PPP4R1: variants seen among roughly 807,000 people sequenced by gnomAD.
PPP4R1 encodes serine/threonine-protein phosphatase 4 regulatory subunit 1.
A neutral mutation model predicts 111.2 loss-of-function variants in PPP4R1; 42 were observed. The observed-to-expected ratio is 0.38, with a 90% CI of 0.29 to 0.49. The LOEUF is 0.49. Ranked by LOEUF, PPP4R1 falls within the 20% of genes least tolerant of loss-of-function variation. The probability of loss-of-function intolerance (pLI) is 0.97; values close to 1 mark genes in which losing one functional copy is unlikely to be tolerated. For missense variants in PPP4R1, 1,012 were observed against 1,161.6 expected (o/e 0.87, Z 1.87); for synonymous variants, 409 against 405.5 (o/e 1.01, Z -0.10).
At chr18:9,616,252 C>CT (rs35547777), upstream of PPP4R1, among the ~76,000 whole-genome samples, 79,709 of 146,598 alleles carry the variant, frequency 0.54, 21,510 homozygotes, top group East Asian at 0.58. Context: ...CAAATCAGCT[C>CT]TTTTTTTTTT....
chr18:9,577,517 T>C (rs2066956239), intron 9 of PPP4R1, among the ~76,000 whole-genome samples: 1 of 152,066 alleles, frequency 6.6e-6, no homozygotes, highest in South Asian at 2.1e-4. Context: ...ATACCAAAGT[T>C]AGCAGGGCGT....
intron 9 of PPP4R1, among the ~76,000 whole-genome samples, chr18:9,579,644 T>C (rs1418479636): frequency 6.6e-6 from 1 of 152,130 alleles, no homozygotes; most frequent in East Asian, 1.9e-4. Context: ...CAACTACACA[T>C]TGAAAACATT....
At chr18:9,561,833 C>G in intron 13 of PPP4R1, 147 bp downstream of exon 13, 1 of 642,586 alleles carries the variant, frequency 1.6e-6, no homozygotes, top group African/African-American at 1.8e-5. Flanking sequence ...CCTCTCTCTA[C>G]TACTTCGATT....
chr18:9,585,945 TC>T (rs1221037651), intron 6 of PPP4R1, among the ~76,000 whole-genome samples: 1 of 152,102 alleles, frequency 6.6e-6, no homozygotes, highest in Non-Finnish European at 1.5e-5. Flanking sequence ...ATCTACAGAT[TC>T]AACACTATCC....
At chr18:9,592,055 G>A (rs1464132528) in intron 4 of PPP4R1, among the ~76,000 whole-genome samples, 2 of 152,174 alleles carry the variant, frequency 1.3e-5, no homozygotes, top group Non-Finnish European at 2.9e-5. Context: ...GGGCAACAGA[G>A]CGAGACTCTG....
chr18:9,568,755 G>A (rs971414287), intron 11 of PPP4R1, among the ~76,000 whole-genome samples: 11 of 152,288 alleles, frequency 7.2e-5, no homozygotes, highest in African/African-American at 2.6e-4. Flanking sequence ...AATAAAATAA[G>A]CTGAGCGCAG....
At chr18:9,572,746 T>A (rs2066881327) in intron 10 of PPP4R1, among the ~76,000 whole-genome samples, 1 of 152,200 alleles carries the variant, frequency 6.6e-6, no homozygotes, top group Admixed American at 6.5e-5. Context: ...TTCAAAACCA[T>A]TATTTTCACA....
intron 2 of PPP4R1, among the ~76,000 whole-genome samples, chr18:9,598,171 C>T (rs1044338803): frequency 2.6e-5 from 4 of 152,100 alleles, no homozygotes; most frequent in African/African-American, 7.2e-5. Context: ...AATTAAGCAT[C>T]AATCAATTGT....
chr18:9,577,300 G>A (rs2066952344), intron 9 of PPP4R1, 109 bp from the exon 10 acceptor site: 2 of 1,199,226 alleles, frequency 1.7e-6, no homozygotes, highest in Non-Finnish European at 1.2e-6. Context: ...AGTATGTTTA[G>A]GATAATAATG....
chr18:9,609,026 A>C (rs529949053), intron 2 of PPP4R1, among the ~76,000 whole-genome samples: 72 of 151,416 alleles, frequency 4.8e-4, no homozygotes, highest in Non-Finnish European at 8.4e-4. Context: ...AGGCCCAAGC[A>C]TATTTACAAA....
chr18:9,588,061 A>T, intron 6 of PPP4R1, 28 bp downstream of exon 6: 1 of 1,613,074 alleles, frequency 6.2e-7, no homozygotes, highest in Non-Finnish European at 8.5e-7. Flanking sequence ...CACATTTTGC[A>T]TAAGTGGAAA....
chr18:9,548,056 T>G, intron 19 of PPP4R1, 104 bp from the exon 20 acceptor site: 2 of 1,180,542 alleles, frequency 1.7e-6, no homozygotes, highest in Non-Finnish European at 2.4e-6. Context: ...TTTCTACAAG[T>G]ACAAACAAGC....
At chr18:9,594,941 G>T in intron 3 of PPP4R1, 77 bp downstream of exon 3, 1 of 1,515,864 alleles carries the variant, frequency 6.6e-7, no homozygotes, top group Non-Finnish European at 9.0e-7. Context: ...CTTTAAAGTG[G>T]ATACTTTCAT....
chr18:9,562,912 C>G (rs767425407), intron 12 of PPP4R1: 2 of 988,576 alleles, frequency 2.0e-6, no homozygotes, highest in Non-Finnish European at 2.4e-6. Flanking sequence ...ATGCTAGGAT[C>G]AGTACCCACC....
At chr18:9,602,367 TA>T (rs11324056) in intron 2 of PPP4R1, among the ~76,000 whole-genome samples, 13,485 of 45,150 alleles carry the variant, frequency 0.3, 1,545 homozygotes, top group African/African-American at 0.35. Flanking sequence ...CCATCTCTAC[TA>T]AAAAAAAAAA....
chr18:9,547,822 T>G lies in PPP4R1; in HGVS notation c.2820A>C (p.Glu940Asp). 1 of 1,613,378 alleles carries G rather than the reference T, an allele frequency of 6.2e-7. No homozygotes were observed. The highest frequency in any genetic ancestry group is 1.8e-4 in the Middle Eastern group (1 of 5,478). Reference sequence around the variant, plus strand: ...TTGAGGACGCTGTGCTCATGGCATCTTCGGAGATTTTGGTACTGGCAGGGT... The same window carrying G: ...TTGAGGACGCTGTGCTCATGGCATCGTCGGAGATTTTGGTACTGGCAGGGT... Reference protein sequence around the residue: ...SIHPASTKISEDAMSTASSTY With the variant: ...SIHPASTKISDDAMSTASSTY Residue 940 changes from glutamate (E) to aspartate (D), a missense_variant, in exon 20 of 20, where the codon GAA (glutamate) becomes GAC (aspartate). Glu to Asp is a conservative substitution (Grantham distance 45). Transcript: ENST00000400556.
chr18:9,577,390 C>T (rs879442306), intron 9 of PPP4R1, among the ~76,000 whole-genome samples, 199 bp from the exon 10 acceptor site: 5 of 152,196 alleles, frequency 3.3e-5, no homozygotes, highest in South Asian at 2.1e-4. Context: ...TCTGGCTGGG[C>T]GCAGTGGCTC....
chr18:9,596,812 T>C (rs2067297678), intron 2 of PPP4R1, among the ~76,000 whole-genome samples: 1 of 152,192 alleles, frequency 6.6e-6, no homozygotes, highest in South Asian at 2.1e-4. Context: ...ACATTTTTAC[T>C]CCCAACAGAA....
intron 6 of PPP4R1, among the ~76,000 whole-genome samples, chr18:9,585,676 A>G (rs530134616): frequency 9.2e-5 from 14 of 152,318 alleles, no homozygotes; most frequent in African/African-American, 3.4e-4. Flanking sequence ...CAGAATAAGT[A>G]TGTTTAGGAA....
Sources: gnomAD v4.1 joint callset for allele counts (sites outside exome capture counted in the v4.1 genomes callset) on GRCh38, gnomAD v4.1.1 for gene constraint, MANE v1.5 for transcripts, NCBI Gene and HGNC (gene_info 2026-07-23, HGNC 2026-07-21) for gene names.